The following PPFIA2 variants were observed in gnomAD, a reference collection of about 807,000 sequenced individuals.
The protein encoded by PPFIA2 is PPFI scaffold protein A2.
In PPFIA2, 46 loss-of-function variants were observed where a neutral mutation model predicts 175.5. The observed-to-expected ratio is 0.26, with a 90% CI of 0.21 to 0.34. The LOEUF is 0.34. PPFIA2 is among the 10% of genes least tolerant of loss of function. The probability of loss-of-function intolerance (pLI) is 1.00; values close to 1 mark genes in which losing one functional copy is unlikely to be tolerated. For missense variants in PPFIA2, 1,179 were observed against 1,506.1 expected, an observed-to-expected ratio of 0.78 and a Z score of 3.60; for synonymous variants, 568 against 511.4, an observed-to-expected ratio of 1.11 and a Z score of -1.49.
chr12:81,433,174 T>C (rs2048402529), intron 7 of PPFIA2, among the ~76,000 whole-genome samples: 1 of 152,170 alleles, frequency 6.6e-6, no homozygotes, highest in African/African-American at 2.4e-5. Context: ...ACCCTGACTT[T>C]TATCAATGCA....
intron 18 of PPFIA2, among the ~76,000 whole-genome samples, chr12:81,345,100 C>A (rs2058822720): frequency 2.0e-5 from 3 of 151,984 alleles, no homozygotes; most frequent in Admixed American, 2.0e-4. Flanking sequence ...TTTATAAATT[C>A]TTGTTTTTGC....
At chr12:81,701,019 G>C (rs551939289) in intron 3 of PPFIA2, among the ~76,000 whole-genome samples, 1 of 151,994 alleles carries the variant, frequency 6.6e-6, no homozygotes, top group Non-Finnish European at 1.5e-5. Flanking sequence ...GAGTAAATTC[G>C]GTAAGAACTT....
chr12:81,560,201 C>T (rs956916838), intron 4 of PPFIA2, among the ~76,000 whole-genome samples: 20 of 151,248 alleles, frequency 1.3e-4, no homozygotes, highest in Non-Finnish European at 5.9e-5. Context: ...ATCAAAAGTA[C>T]GGGCATGTCT....
chr12:81,430,235 T>G (rs550920578), intron 7 of PPFIA2: 1 of 152,224 alleles, frequency 6.6e-6, no homozygotes, highest in African/African-American at 2.4e-5. Context: ...GCATTTTCAA[T>G]TTTGTCCCAT....
intron 7 of PPFIA2, among the ~76,000 whole-genome samples, chr12:81,413,398 T>A (rs1021193318): frequency 6.6e-6 from 1 of 151,826 alleles, no homozygotes; most frequent in Non-Finnish European, 1.5e-5. Flanking sequence ...AATGTTCATA[T>A]TATAGGCTTC....
Position 81,325,857 on chromosome 12 carries a change from C to G in PPFIA2, c.2562G>C (p.Glu854Asp), listed in dbSNP as rs371042284. 1 of 1,611,534 alleles carries G rather than the reference C, an allele frequency of 6.2e-7. No homozygotes were observed. The highest frequency in any genetic ancestry group is 1.7e-5 in the Admixed American group (1 of 59,898). Reference protein sequence around the residue: ...ARLGQLRGFMETEAAAQESLG... With the variant: ...ARLGQLRGFMDTEAAAQESLG... ...GGGACTCCTGAGCTGCAGCTTCAGT[C>G]TCCATAAAGCCTCCTGTGAAGAGAA... is the stretch of plus-strand genomic sequence containing the variant. The change falls in exon 22 of 33, where the codon GAG becomes GAC. Residue 854 changes from glutamate (E) to aspartate (D), a missense_variant. Coordinates refer to ENST00000549396, the MANE Select transcript of PPFIA2 (RefSeq NM_003625.5).
intron 4 of PPFIA2, among the ~76,000 whole-genome samples, chr12:81,540,240 G>C (rs1404262361): frequency 6.6e-6 from 1 of 151,968 alleles, no homozygotes; most frequent in African/African-American, 2.4e-5. Context: ...GAATAAAGAA[G>C]TAAACCTTTT....
At position 81,261,831 on chromosome 12, in the gene PPFIA2, G is replaced by A. The variant is rs2035658610; in HGVS notation, c.*33+118C>T. The A allele has an allele frequency of 4.8e-6, 3 of 626,536 alleles. No homozygotes were observed. In the South Asian group the frequency reaches 6.5e-5, roughly 14 times the overall value. 38.8% of individuals were successfully genotyped at this position (626,536 alleles called of 1,614,324 possible). A position where few individuals can be genotyped will look rare whatever the true frequency, so the allele number is the denominator to read the frequency against. On this transcript the variant is annotated intron_variant, in intron 32 of 32. Transcript: ENST00000549396. The stretch of plus-strand genomic sequence containing the variant: ...TTTTTCCCCTGAAGCAATTCAAAAG[G>A]GTTATCTCATTTCTGTACTGCTAGG...
chr12:81,541,787 C>A (rs1248335789), intron 4 of PPFIA2, among the ~76,000 whole-genome samples: 1 of 151,984 alleles, frequency 6.6e-6, no homozygotes, highest in African/African-American at 2.4e-5. Context: ...TTGTTCCAGG[C>A]TACAAGTGAA....
intron 4 of PPFIA2, among the ~76,000 whole-genome samples, chr12:81,539,440 T>A (rs1372256886): frequency 6.6e-6 from 1 of 151,842 alleles, no homozygotes; most frequent in African/African-American, 2.4e-5. Flanking sequence ...AGCAATGAAA[T>A]TTGAGAAGAA....
intron 4 of PPFIA2, among the ~76,000 whole-genome samples, chr12:81,462,570 GTATATATATATATACA>G (rs1194250489): frequency 2.7e-5 from 2 of 74,188 alleles, no homozygotes; most frequent in East Asian, 4.1e-4. Flanking sequence ...ATATATATGT[GTATATATATATATACA>G]TATATATATA....
chr12:81,433,065 TG>T (rs1324721105), intron 7 of PPFIA2, among the ~76,000 whole-genome samples: 1 of 152,042 alleles, frequency 6.6e-6, no homozygotes, highest in Non-Finnish European at 1.5e-5. Context: ...TTACCTTTAG[TG>T]CTTTCTCATT....
chr12:81,570,979 C>A (rs1350670150), intron 4 of PPFIA2, among the ~76,000 whole-genome samples: 1 of 151,752 alleles, frequency 6.6e-6, no homozygotes, highest in Non-Finnish European at 1.5e-5. Context: ...TATTTAATTG[C>A]ATCCCCTAGT....
chr12:81,656,319 A>T (rs943042061), intron 4 of PPFIA2, among the ~76,000 whole-genome samples: 1 of 152,046 alleles, frequency 6.6e-6, no homozygotes, highest in African/African-American at 2.4e-5. Flanking sequence ...GCTTTTGTTT[A>T]AAAGTTAGAA....
chr12:81,553,371 T>C (rs1052406365), intron 4 of PPFIA2, among the ~76,000 whole-genome samples: 1 of 151,980 alleles, frequency 6.6e-6, no homozygotes, highest in East Asian at 1.9e-4. Flanking sequence ...TACCAGAAAA[T>C]ATCCTATCTT....
chr12:81,451,688 C>G (rs1269320500), intron 5 of PPFIA2, among the ~76,000 whole-genome samples: 1 of 152,118 alleles, frequency 6.6e-6, no homozygotes, highest in Admixed American at 6.5e-5. Flanking sequence ...AACGATTTCA[C>G]TTATCCCCAA....
chr12:81,450,563 C>T (rs1434514810), intron 5 of PPFIA2, among the ~76,000 whole-genome samples: 1 of 152,056 alleles, frequency 6.6e-6, no homozygotes, highest in Non-Finnish European at 1.5e-5. Flanking sequence ...GAGTAGGTTG[C>T]AAAAATTTTC....
At chr12:81,673,525 T>G (rs1190637427) in intron 4 of PPFIA2, among the ~76,000 whole-genome samples, 1 of 152,082 alleles carries the variant, frequency 6.6e-6, no homozygotes, top group Non-Finnish European at 1.5e-5. Context: ...CTTTCAATTT[T>G]GATTATCTAG....
intron 4 of PPFIA2, among the ~76,000 whole-genome samples, chr12:81,490,163 T>C (rs1230978143): frequency 6.6e-6 from 1 of 151,888 alleles, no homozygotes; most frequent in African/African-American, 2.4e-5. Context: ...ATTTACTATG[T>C]TTGTGAATCC....
Sources: allele counts gnomAD v4.1 joint callset (sites outside exome capture counted in the v4.1 genomes callset), GRCh38; gene constraint gnomAD v4.1.1; transcripts MANE v1.5; gene names NCBI Gene and HGNC (gene_info 2026-07-23, HGNC 2026-07-21).